Variants in DPYD observed in about 807,000 individuals in gnomAD.
DPYD encodes dihydropyrimidine dehydrogenase [NADP(+)].
In DPYD, 109 loss-of-function variants were observed where a neutral mutation model predicts 116.2. The observed-to-expected ratio is 0.94, with a 90% CI of 0.80 to 1.10. The LOEUF (loss-of-function observed/expected upper bound fraction) is 1.10. DPYD is among the 50% of genes least tolerant of loss of function. The probability of loss-of-function intolerance (pLI) is 0.00; values close to 1 mark genes in which losing one functional copy is unlikely to be tolerated. For synonymous variants in DPYD, 440 were observed against 432.0 expected (o/e 1.02, Z -0.23); for missense variants, 1,302 against 1,254.5 (o/e 1.04, Z -0.57).
chr1:97,844,828 C>A (rs1670213414), intron 2 of DPYD, among the ~76,000 whole-genome samples: 1 of 152,224 alleles, frequency 6.6e-6, no homozygotes, highest in Non-Finnish European at 1.5e-5. Context: ...ACTGCCCCTG[C>A]AGTCTCAGAA....
At chr1:97,474,589 C>G (rs1677844831) in intron 13 of DPYD, among the ~76,000 whole-genome samples, 1 of 151,708 alleles carries the variant, frequency 6.6e-6, no homozygotes, top group Non-Finnish European at 1.5e-5. Flanking sequence ...CATTTAATAA[C>G]AACTTAAGGT....
chr1:97,254,518 C>T (rs534439190), intron 18 of DPYD, among the ~76,000 whole-genome samples: 1 of 152,094 alleles, frequency 6.6e-6, no homozygotes, highest in African/African-American at 2.4e-5. Context: ...ATCAAATTAC[C>T]TATCAACAGA....
intron 1 of DPYD, among the ~76,000 whole-genome samples, chr1:97,916,451 T>C (rs552703709): frequency 4.6e-5 from 7 of 152,292 alleles, no homozygotes; most frequent in South Asian, 4.1e-4. Context: ...GTCCTTGTGA[T>C]AGTTTGCTGA....
intron 1 of DPYD, among the ~76,000 whole-genome samples, chr1:97,895,486 C>A (rs1380309949): frequency 1.3e-5 from 2 of 151,614 alleles, no homozygotes; most frequent in Non-Finnish European, 3.0e-5. Flanking sequence ...TAAATCATAG[C>A]GTGACTAGTT....
At chr1:97,328,787 G>A (rs1446089059) in intron 16 of DPYD, among the ~76,000 whole-genome samples, 1 of 152,040 alleles carries the variant, frequency 6.6e-6, no homozygotes, top group Non-Finnish European at 1.5e-5. Flanking sequence ...GTAGTATTTT[G>A]TTAATCATTT....
chr1:97,463,849 G>A (rs1677155270), intron 13 of DPYD, among the ~76,000 whole-genome samples: 2 of 152,168 alleles, frequency 1.3e-5, no homozygotes, highest in African/African-American at 4.8e-5. Flanking sequence ...GTATCTGGCA[G>A]AAGAAAGTTC....
intron 8 of DPYD, among the ~76,000 whole-genome samples, chr1:97,651,173 AG>A (rs1658559500): frequency 6.6e-6 from 1 of 152,138 alleles, no homozygotes; most frequent in African/African-American, 2.4e-5. Context: ...TGAACATTTA[AG>A]GATATGTTAC....
At position 97,670,666 on chromosome 1, in the gene DPYD, C is replaced by T. The variant is rs575287575; in HGVS notation, c.850+8429G>A. On this transcript the variant is annotated intron_variant, in intron 8 of 22. Transcript: ENST00000370192. ...CAGCCCAGCAAGACTAAGATAATAC[C>T]CATAGTATATGTTCACTAATAACCC... is the stretch of plus-strand genomic sequence containing the variant. Among the ~76,000 whole-genome samples the T allele has an allele frequency of 1.4e-3, 213 of 152,172 alleles. 1 individual carries two copies. The highest frequency in any genetic ancestry group is 5.0e-3 in the African/African-American group (207 of 41,532).
At chr1:97,209,896 G>A (rs1465427380) in intron 19 of DPYD, among the ~76,000 whole-genome samples, 1 of 152,080 alleles carries the variant, frequency 6.6e-6, no homozygotes, top group African/African-American at 2.4e-5. Flanking sequence ...TGGAGATAAT[G>A]GCAGTTTATA....
chr1:97,333,918 A>C (rs562064240), intron 16 of DPYD, among the ~76,000 whole-genome samples: 1 of 152,298 alleles, frequency 6.6e-6, no homozygotes, highest in South Asian at 2.1e-4. Context: ...TGAGCATACC[A>C]TATGCTCTAT....
At chr1:97,145,214 G>A (rs1026047710) in intron 20 of DPYD, among the ~76,000 whole-genome samples, 2 of 152,020 alleles carry the variant, frequency 1.3e-5, no homozygotes, top group Non-Finnish European at 2.9e-5. Flanking sequence ...TTCTCCATGT[G>A]CAGCATATTA....
intron 4 of DPYD, among the ~76,000 whole-genome samples, chr1:97,737,754 C>T (rs535852367): frequency 1.8e-4 from 27 of 151,996 alleles, no homozygotes; most frequent in African/African-American, 6.3e-4. Context: ...ATATATATCC[C>T]TCTCAACCAT....
At chr1:97,637,463 C>G (rs1308800003) in intron 8 of DPYD, among the ~76,000 whole-genome samples, 1 of 151,646 alleles carries the variant, frequency 6.6e-6, no homozygotes, top group Non-Finnish European at 1.5e-5. Flanking sequence ...TATAGACCCC[C>G]CAGACACTGA....
intron 14 of DPYD, among the ~76,000 whole-genome samples, chr1:97,406,019 T>C (rs1319802997): frequency 6.6e-6 from 1 of 152,138 alleles, no homozygotes; most frequent in Admixed American, 6.5e-5. Flanking sequence ...TGGTGTCCCC[T>C]ATGCCTGGGC....
At chr1:97,629,950 A>G (rs1355919073) in intron 8 of DPYD, among the ~76,000 whole-genome samples, 1 of 152,092 alleles carries the variant, frequency 6.6e-6, no homozygotes, top group Non-Finnish European at 1.5e-5. Flanking sequence ...TTGTATAAAT[A>G]GAATCATAAA....
intron 13 of DPYD, among the ~76,000 whole-genome samples, chr1:97,487,448 C>A (rs555475260): frequency 1.3e-5 from 2 of 151,878 alleles, no homozygotes; most frequent in African/African-American, 4.8e-5. Flanking sequence ...CCAAGGCGGG[C>A]GGATCACGAG....
At chr1:97,250,905 T>G (rs921546317) in intron 18 of DPYD, among the ~76,000 whole-genome samples, 5 of 152,166 alleles carry the variant, frequency 3.3e-5, no homozygotes, top group African/African-American at 1.2e-4. Flanking sequence ...ATATCATATC[T>G]GTGTATTATA....
At chr1:97,125,824 C>A (rs1255648340) in intron 20 of DPYD, among the ~76,000 whole-genome samples, 2 of 152,028 alleles carry the variant, frequency 1.3e-5, no homozygotes, top group African/African-American at 4.8e-5. Flanking sequence ...CTGCTAGCAC[C>A]TATATTTTGG....
At chr1:97,579,870 G>A (rs983640423) in intron 10 of DPYD, among the ~76,000 whole-genome samples, 3 of 152,016 alleles carry the variant, frequency 2.0e-5, no homozygotes, top group Admixed American at 2.0e-4. Context: ...ACACAGTAGT[G>A]GGAAAGTTAA....
Sources: gnomAD v4.1 joint callset for allele counts (sites outside exome capture counted in the v4.1 genomes callset) on GRCh38, gnomAD v4.1.1 for gene constraint, MANE v1.5 for transcripts, NCBI Gene and HGNC (gene_info 2026-07-23, HGNC 2026-07-21) for gene names.